Variants in CSNK1G3 observed in about 807,000 individuals in gnomAD.
CSNK1G3 encodes the protein casein kinase I isoform gamma-3.
Under a neutral mutation model 64.3 loss-of-function variants are expected in CSNK1G3, and 23 were observed. That is an observed-to-expected ratio of 0.36 (90% CI 0.26 to 0.51). The LOEUF is 0.51. CSNK1G3 is among the 20% of genes least tolerant of loss of function. CSNK1G3 has a pLI of 0.96. For synonymous variants in CSNK1G3, 158 were observed against 162.2 expected (o/e 0.97, Z 0.20); for missense variants, 357 against 510.5 (o/e 0.70, Z 2.90).
At chr5:123,572,384 A>T (rs1482483511) in intron 4 of CSNK1G3, among the ~76,000 whole-genome samples, 1 of 152,134 alleles carries the variant, frequency 6.6e-6, no homozygotes, top group Admixed American at 6.5e-5. Flanking sequence ...TATTATTCAG[A>T]CTTCATATTT....
chr5:123,601,120 C>T (rs1581399563), intron 10 of CSNK1G3, among the ~76,000 whole-genome samples: 1 of 151,934 alleles, frequency 6.6e-6, no homozygotes, highest in Admixed American at 6.6e-5. Context: ...TCTTCTAGTT[C>T]AAGTTATAAT....
chr5:123,591,360 A>G, exon 10 of CSNK1G3: 5 of 1,610,666 alleles, frequency 3.1e-6, no homozygotes, highest in Non-Finnish European at 4.2e-6. Context: ...CTGCTCTGTC[A>G]TCAAACAGAG....
chr5:123,587,754 A>C (rs528468221), intron 6 of CSNK1G3, among the ~76,000 whole-genome samples: 1 of 152,312 alleles, frequency 6.6e-6, no homozygotes, highest in African/African-American at 2.4e-5. Flanking sequence ...GAGCTGTAGT[A>C]TACAGTGACT....
intron 12 of CSNK1G3, among the ~76,000 whole-genome samples, chr5:123,612,790 A>G (rs1748634323): frequency 6.6e-6 from 1 of 152,172 alleles, no homozygotes; most frequent in African/African-American, 2.4e-5. Context: ...CTATTCTTCT[A>G]TGAATATAGA....
chr5:123,605,312 T>TG, intron 11 of CSNK1G3, 27 bp from the exon 13 acceptor site: 2 of 1,579,902 alleles, frequency 1.3e-6, no homozygotes, highest in Non-Finnish European at 1.7e-6. Context: ...TTTTTCCTTG[T>TG]ATTTTTTTTT....
chr5:123,518,117 T>C (rs961031695), intron 1 of CSNK1G3, among the ~76,000 whole-genome samples: 18 of 152,190 alleles, frequency 1.2e-4, no homozygotes, highest in African/African-American at 4.1e-4. Context: ...AGCCTTCTTA[T>C]AGTTCCAACA....
intron 3 of CSNK1G3, among the ~76,000 whole-genome samples, chr5:123,557,110 C>G (rs1402327758): frequency 6.6e-6 from 1 of 152,022 alleles, no homozygotes; most frequent in South Asian, 2.1e-4. Flanking sequence ...TTCTTACTAT[C>G]CTATGACTTA....
chr5:123,585,352 TAACTATAAAA>T (rs1267722112), intron 6 of CSNK1G3, among the ~76,000 whole-genome samples: 1 of 151,742 alleles, frequency 6.6e-6, no homozygotes, highest in African/African-American at 2.4e-5. Context: ...GTAGGAACCA[TAACTATAAAA>T]TTTCTAGAAG....
At chr5:123,570,071 T>A (rs1581186699) in intron 4 of CSNK1G3, among the ~76,000 whole-genome samples, 1 of 152,216 alleles carries the variant, frequency 6.6e-6, no homozygotes, top group East Asian at 1.9e-4. Flanking sequence ...TTAGCATGGT[T>A]TCTCATTCAC....
chr5:123,605,245 A>G, intron 11 of CSNK1G3, 94 bp from the exon 13 acceptor site: 8 of 1,142,982 alleles, frequency 7.0e-6, no homozygotes, highest in Non-Finnish European at 1.0e-5. Flanking sequence ...AAAATTAAGC[A>G]TGAAAAACAA....
chr5:123,533,813 C>CT (rs920190369), intron 1 of CSNK1G3, among the ~76,000 whole-genome samples: 9 of 149,680 alleles, frequency 6.0e-5, no homozygotes, highest in African/African-American at 9.8e-5. Flanking sequence ...GAGGTTTTTT[C>CT]TTTTTTTTAT....
chr5:123,588,573 G>A, intron 8 of CSNK1G3, 62 bp downstream of exon 8: 3 of 1,029,828 alleles, frequency 2.9e-6, no homozygotes, highest in Non-Finnish European at 3.0e-6. Context: ...AATTTTTATT[G>A]CTTAAGTTTA....
At chr5:123,614,287 A>C (rs774416481) in intron 12 of CSNK1G3, 55 bp from the exon 14 acceptor site, 257 of 1,548,594 alleles carry the variant, frequency 1.7e-4, no homozygotes, top group Non-Finnish European at 2.2e-4. Flanking sequence ...GATACAGTCA[A>C]CTTTGTGATA....
chr5:123,588,444 G>C (rs746918782), exon 8 of CSNK1G3: 2 of 1,611,604 alleles, frequency 1.2e-6, no homozygotes, highest in Non-Finnish European at 1.7e-6. Flanking sequence ...CATTAAAGGA[G>C]AGGTATCAGA....
intron 1 of CSNK1G3, among the ~76,000 whole-genome samples, chr5:123,532,866 C>G (rs1306075511): frequency 2.0e-5 from 3 of 151,704 alleles, no homozygotes; most frequent in Non-Finnish European, 3.0e-5. Context: ...CCCTTTATTT[C>G]TAGTCTTTGA....
intron 10 of CSNK1G3, among the ~76,000 whole-genome samples, chr5:123,592,521 TCA>T (rs1254590096): frequency 6.6e-6 from 1 of 152,020 alleles, no homozygotes; most frequent in Non-Finnish European, 1.5e-5. Flanking sequence ...AATTTCACTA[TCA>T]CACTGAGTTA....
intron 1 of CSNK1G3, among the ~76,000 whole-genome samples, chr5:123,532,285 G>A (rs1780062180): frequency 1.3e-5 from 2 of 151,730 alleles, no homozygotes; most frequent in African/African-American, 4.8e-5. Context: ...TTATTTCTAA[G>A]ATCATTTTAC....
intron 1 of CSNK1G3, among the ~76,000 whole-genome samples, chr5:123,529,814 C>G (rs1030096265): frequency 4.6e-5 from 7 of 152,018 alleles, no homozygotes; most frequent in African/African-American, 1.7e-4. Flanking sequence ...GGTTTAGGTA[C>G]AGTAAATGCT....
chr5:123,579,194 A>G (rs971332447), intron 6 of CSNK1G3, among the ~76,000 whole-genome samples: 6 of 151,774 alleles, frequency 4.0e-5, no homozygotes, highest in Non-Finnish European at 8.8e-5. Context: ...ATAACTCAGT[A>G]GGATGTGGCA....
Sources: allele counts gnomAD v4.1 joint callset (sites outside exome capture counted in the v4.1 genomes callset), GRCh38; gene constraint gnomAD v4.1.1; transcripts MANE v1.5; gene names NCBI Gene and HGNC (gene_info 2026-07-23, HGNC 2026-07-21).